Variants in SPADH observed in about 807,000 individuals in gnomAD.
The protein encoded by SPADH is spermadhesin family member.
chr10:122,676,677 G>C, the SPADH span: 1 of 971,920 alleles, frequency 1.0e-6, no homozygotes, highest in Non-Finnish European at 1.2e-6. Flanking sequence ...AGTAATAACA[G>C]GGGCCCCTGG....
the SPADH span, among the ~76,000 whole-genome samples, chr10:122,675,951 A>G: frequency 6.6e-6 from 1 of 152,010 alleles, no homozygotes; most frequent in Admixed American, 6.6e-5. Flanking sequence ...CAGGGAAAGG[A>G]GCCACCACTC....
chr10:122,677,613 T>C, the SPADH span, among the ~76,000 whole-genome samples: 3 of 152,186 alleles, frequency 2.0e-5, no homozygotes, highest in African/African-American at 4.8e-5. Context: ...GATTTCAGCA[T>C]GGAAACCACA....
chr10:122,676,722 C>T, the SPADH span: 1 of 985,264 alleles, frequency 1.0e-6, no homozygotes, highest in African/African-American at 1.7e-5. Flanking sequence ...TAGAGCATCC[C>T]TGCAGTGCCT....
the SPADH span, chr10:122,676,927 T>C: frequency 8.2e-5 from 81 of 985,108 alleles, no homozygotes; most frequent in Non-Finnish European, 9.4e-5. Context: ...TTTGATGTTG[T>C]TGGTATTTCT....
chr10:122,676,137 G>C, the SPADH span, among the ~76,000 whole-genome samples: 1 of 152,222 alleles, frequency 6.6e-6, no homozygotes, highest in African/African-American at 2.4e-5. Context: ...CAGGCTAGAG[G>C]GAGGAGCAGT....
chr10:122,675,859 C>T, the SPADH span, among the ~76,000 whole-genome samples: 1 of 152,168 alleles, frequency 6.6e-6, no homozygotes, highest in African/African-American at 2.4e-5. Flanking sequence ...TGCTCCCCTC[C>T]ATGAGACTCC....
chr10:122,672,864 T>G, the SPADH span: 39 of 985,290 alleles, frequency 4.0e-5, no homozygotes, highest in Non-Finnish European at 4.5e-5. Context: ...CTGAGGTTGG[T>G]GCCAGGCCCT....
At chr10:122,677,136 C>T in the SPADH span, among the ~76,000 whole-genome samples, 5 of 152,200 alleles carry the variant, frequency 3.3e-5, no homozygotes, top group Non-Finnish European at 7.3e-5. Flanking sequence ...CTTCTGATCA[C>T]TTCTCCTCTC....
the SPADH span, among the ~76,000 whole-genome samples, chr10:122,673,867 C>T: frequency 6.6e-6 from 1 of 152,174 alleles, no homozygotes; most frequent in Non-Finnish European, 1.5e-5. Flanking sequence ...GCTCTCCTCC[C>T]CTGCCAGGAT....
At chr10:122,675,723 T>A in the SPADH span, 1 of 820,412 alleles carries the variant, frequency 1.2e-6, no homozygotes, top group Non-Finnish European at 1.5e-6. Context: ...ACAGAGACAC[T>A]GTTTTGGGGT....
the SPADH span, chr10:122,679,128 C>T: frequency 6.1e-6 from 3 of 494,546 alleles, no homozygotes; most frequent in South Asian, 2.6e-4. Context: ...TGGACAGAGG[C>T]TATACCTGGG....
At chr10:122,676,608 C>T in the SPADH span, 5 of 439,516 alleles carry the variant, frequency 1.1e-5, no homozygotes, top group Non-Finnish European at 1.5e-5. Context: ...TTTGTGGAGC[C>T]ATCAGACTGG....
chr10:122,673,082 G>T, the SPADH span, among the ~76,000 whole-genome samples: 1 of 152,264 alleles, frequency 6.6e-6, no homozygotes, highest in East Asian at 1.9e-4. Context: ...CTTAGTGCTG[G>T]TGGAAGAAGA....
chr10:122,677,246 G>A, the SPADH span, among the ~76,000 whole-genome samples: 1 of 152,110 alleles, frequency 6.6e-6, no homozygotes, highest in Non-Finnish European at 1.5e-5. Context: ...TGCCTGGAAT[G>A]CATCCTTCAA....
At chr10:122,675,586 A>G in the SPADH span, 1 of 795,232 alleles carries the variant, frequency 1.3e-6, no homozygotes, top group Non-Finnish European at 1.5e-6. Context: ...TTCTGCTTTC[A>G]CCCATTGGTA....
At chr10:122,675,707 C>G in the SPADH span, 1 of 925,464 alleles carries the variant, frequency 1.1e-6, no homozygotes, top group Non-Finnish European at 1.3e-6. Flanking sequence ...CTTTCCCTTG[C>G]CTCACACAGA....
the SPADH span, among the ~76,000 whole-genome samples, chr10:122,676,213 G>A: frequency 6.6e-6 from 1 of 152,182 alleles, no homozygotes; most frequent in East Asian, 1.9e-4. Context: ...CCAGTTGCTG[G>A]GCACAAGCTA....
the SPADH span, among the ~76,000 whole-genome samples, chr10:122,674,073 T>C: frequency 6.6e-6 from 1 of 152,244 alleles, no homozygotes; most frequent in South Asian, 2.1e-4. Context: ...TTTGGTTTCC[T>C]CATCCTTGGT....
chr10:122,677,780 C>T, the SPADH span, among the ~76,000 whole-genome samples: 168 of 152,224 alleles, frequency 1.1e-3, no homozygotes, highest in African/African-American at 3.3e-3. Flanking sequence ...AAGGACACTT[C>T]GAGACACCTG....
Sources: allele counts gnomAD v4.1 joint callset (sites outside exome capture counted in the v4.1 genomes callset), GRCh38; gene constraint gnomAD v4.1.1; transcripts MANE v1.5; gene names NCBI Gene and HGNC (gene_info 2026-07-23, HGNC 2026-07-21).